IGSF23: variants seen among roughly 807,000 people sequenced by gnomAD.
IGSF23 encodes the protein immunoglobulin superfamily, member 23.
In IGSF23, 14 loss-of-function variants were observed where a neutral mutation model predicts 17.8. The observed-to-expected ratio is 0.79, with a 90% CI of 0.52 to 1.23. The LOEUF (loss-of-function observed/expected upper bound fraction) is 1.23. Among genes scored for constraint, IGSF23 ranks in the 50% most tolerant of loss-of-function variants. IGSF23 has a pLI of 0.00. For synonymous variants in IGSF23, 85 were observed against 92.5 expected, an observed-to-expected ratio of 0.92 and a Z score of 0.46; for missense variants, 214 against 241.7, an observed-to-expected ratio of 0.89 and a Z score of 0.76.
At chr19:44,617,868 C>T (rs1193140998) in intron 1 of IGSF23, among the ~76,000 whole-genome samples, 2 of 152,166 alleles carry the variant, frequency 1.3e-5, no homozygotes, top group Non-Finnish European at 2.9e-5. Flanking sequence ...CCTCTTCTGC[C>T]AACGTGCCCA....
rs977513459 is a variant in IGSF23, at chr19:44,634,819, A to G, written c.546-582A>G. On this transcript the variant is annotated intron_variant, in intron 3 of 4. Transcript: ENST00000402988. Reference sequence around the variant, plus strand: ...GTCTCCAAAAAAAAGAAAAAAGAAAAAAAAAAAAAAACCCAGGGATGTGAT... The same window carrying G: ...GTCTCCAAAAAAAAGAAAAAAGAAAGAAAAAAAAAAACCCAGGGATGTGAT... Among the ~76,000 whole-genome samples the G allele has an allele frequency of 3.3e-5, 5 of 151,986 alleles. No homozygotes were observed. The East Asian group carries it at 7.7e-4, about 23-fold the overall frequency.
At chr19:44,617,985 A>AT in intron 1 of IGSF23, 1 of 421,134 alleles carries the variant, frequency 2.4e-6, no homozygotes, top group Non-Finnish European at 4.9e-6. Flanking sequence ...TAGAAAACCA[A>AT]TTTTTGCAAC....
Position 44,623,827 on chromosome 19 carries a change from C to T in IGSF23, c.246C>T (p.Ser82=), listed in dbSNP as rs914992806. 2.6e-6 allele frequency: 4 copies of T among 1,550,834 alleles called. No homozygotes were observed. In the African/African-American group the frequency reaches 5.5e-5, roughly 21 times the overall value. ...CAATGGACCCTGAGCCTGTGCTGAG[C>T]TGGACCTTCAGTGGGGTGCCCTGTG... is the stretch of plus-strand genomic sequence containing the variant. ...VVTMDPEPVL[S]WTFSGVPCGM... is the part of the protein sequence containing the mutation. The change falls in exon 2 of 5, where the codon AGC becomes AGT. Residue 82 remains serine, a synonymous_variant. Coordinates refer to ENST00000402988, the MANE Select transcript of IGSF23 (RefSeq NM_001205280.2).
chr19:44,624,265 T>C (rs894712740), intron 2 of IGSF23, among the ~76,000 whole-genome samples: 3 of 150,744 alleles, frequency 2.0e-5, no homozygotes, highest in Admixed American at 1.3e-4. Flanking sequence ...TTCTTCTCCT[T>C]CTCCTTCTTC....
chr19:44,625,772 C>T (rs557832403), intron 2 of IGSF23, among the ~76,000 whole-genome samples: 1 of 152,292 alleles, frequency 6.6e-6, no homozygotes, highest in African/African-American at 2.4e-5. Flanking sequence ...TCATAATCCC[C>T]ATGTGTCATG....
Position 44,632,336 on chromosome 19 carries a change from T to C in IGSF23, c.546-3065T>C, listed in dbSNP as rs967708235. On this transcript the variant is annotated intron_variant, in intron 3 of 4. Transcript: ENST00000402988. Reference sequence around the variant, plus strand: ...CTTCTTTAAGGAATACTCACGGCAATGGTGATTACCACTATCATAGCTACC... The same window carrying C: ...CTTCTTTAAGGAATACTCACGGCAACGGTGATTACCACTATCATAGCTACC... The C allele has an allele frequency of 2.9e-5, 5 of 175,034 alleles. No homozygotes were observed. The Admixed American group carries it at 3.0e-4, about 11-fold the overall frequency. 10.8% of individuals were successfully genotyped at this position (175,034 alleles called of 1,614,324 possible). A position where few individuals can be genotyped will look rare whatever the true frequency, so the allele number is the denominator to read the frequency against.
intron 3 of IGSF23, among the ~76,000 whole-genome samples, chr19:44,631,205 G>A (rs1252225326): frequency 8.5e-5 from 13 of 152,096 alleles, no homozygotes; most frequent in Non-Finnish European, 1.5e-5. Context: ...AGTTCGAGGT[G>A]GCAGTGAGCC....
chr19:44,629,765 C>T (rs1972728542), intron 3 of IGSF23, among the ~76,000 whole-genome samples: 1 of 151,180 alleles, frequency 6.6e-6, no homozygotes, highest in Non-Finnish European at 1.5e-5. Flanking sequence ...TCCCAAGTAG[C>T]TGGGACTACA....
chr19:44,620,035 C>T (rs1344675426), intron 1 of IGSF23, among the ~76,000 whole-genome samples: 1 of 152,096 alleles, frequency 6.6e-6, no homozygotes, highest in African/African-American at 2.4e-5. Flanking sequence ...TTTTGGGAGG[C>T]CAAGGCGGGC....
At chr19:44,619,563 G>T (rs1319453459) in intron 1 of IGSF23, among the ~76,000 whole-genome samples, 1 of 152,180 alleles carries the variant, frequency 6.6e-6, no homozygotes, top group Non-Finnish European at 1.5e-5. Context: ...AATACTCTAG[G>T]CTTAATCAAC....
chr19:44,613,918 A>G, intron 1 of IGSF23, 148 bp downstream of exon 1: 1 of 1,548,010 alleles, frequency 6.5e-7, no homozygotes, highest in South Asian at 1.2e-5. Flanking sequence ...GTCCCTGGAC[A>G]GAACACGAGA....
At chr19:44,630,313 C>T (rs912025343) in intron 3 of IGSF23, among the ~76,000 whole-genome samples, 1 of 152,232 alleles carries the variant, frequency 6.6e-6, no homozygotes, top group Non-Finnish European at 1.5e-5. Context: ...GCTCCGATGT[C>T]CTGGCCCCTC....
At chr19:44,635,304 A>C in intron 3 of IGSF23, 97 bp from the exon 4 acceptor site, 1 of 944,530 alleles carries the variant, frequency 1.1e-6, no homozygotes, top group East Asian at 2.6e-5. Flanking sequence ...TTAGGACTAC[A>C]TATTAATTTG....
At chr19:44,621,249 C>T (rs1972512733) in intron 1 of IGSF23, among the ~76,000 whole-genome samples, 1 of 148,028 alleles carries the variant, frequency 6.8e-6, no homozygotes, top group African/African-American at 2.5e-5. Context: ...TGCCACTGCA[C>T]TCCAGCCTGG....
intron 2 of IGSF23, among the ~76,000 whole-genome samples, chr19:44,626,199 G>C (rs1972643666): frequency 6.6e-6 from 1 of 152,142 alleles, no homozygotes; most frequent in Admixed American, 6.5e-5. Context: ...AATGCGTGAT[G>C]GGAATCTCAG....
At chr19:44,633,336 CG>C in intron 3 of IGSF23, among the ~76,000 whole-genome samples, 1 of 152,194 alleles carries the variant, frequency 6.6e-6, no homozygotes, top group African/African-American at 2.4e-5. Context: ...TAATCTTTGG[CG>C]GGAACTTTGT....
In IGSF23 at chr19:44,621,512, C is replaced by T. The variant is rs538898382; in HGVS notation, c.126-2195C>T. 5.4e-5 allele frequency among the ~76,000 whole-genome samples: 8 copies of T among 149,138 alleles called. No individual in the cohort carries two copies. The South Asian group carries it at 6.4e-4, about 12-fold the overall frequency. ...AAAAATAGCTGGATGTAGTGGCGCACGCCTGTAATCCCAACTACTCTGGAG... is the reference window on the plus strand; with the variant it reads ...AAAAATAGCTGGATGTAGTGGCGCATGCCTGTAATCCCAACTACTCTGGAG... On this transcript the variant is annotated intron_variant, in intron 1 of 4. Coordinates refer to ENST00000402988, the MANE Select transcript of IGSF23 (RefSeq NM_001205280.2).
chr19:44,633,383 A>G (rs1972812401), intron 3 of IGSF23, among the ~76,000 whole-genome samples: 1 of 152,118 alleles, frequency 6.6e-6, no homozygotes, highest in Admixed American at 6.6e-5. Context: ...AACCTTGCAA[A>G]TTTTTTTCTA....
At chr19:44,633,364 G>T (rs1175150106) in intron 3 of IGSF23, among the ~76,000 whole-genome samples, 1 of 152,216 alleles carries the variant, frequency 6.6e-6, no homozygotes, top group African/African-American at 2.4e-5. Flanking sequence ...GCTTGAAGCG[G>T]TTCTTTCAAA....
Sources: allele counts gnomAD v4.1 joint callset (sites outside exome capture counted in the v4.1 genomes callset), GRCh38; gene constraint gnomAD v4.1.1; transcripts MANE v1.5; gene names NCBI Gene and HGNC (gene_info 2026-07-23, HGNC 2026-07-21).